The following TEKT1 variants were observed in gnomAD, a reference collection of about 807,000 sequenced individuals.
TEKT1 encodes tektin 1, also known as tektin-1.
A neutral mutation model predicts 34.8 loss-of-function variants in TEKT1; 32 were observed. That is an observed-to-expected ratio of 0.92 (90% confidence interval 0.69 to 1.23). TEKT1 has a LOEUF of 1.23. Among genes scored for constraint, TEKT1 ranks in the 50% most tolerant of loss-of-function variants. The pLI, the probability that TEKT1 is intolerant of heterozygous loss-of-function variation, is 0.00. For synonymous variants in TEKT1, 207 were observed against 199.8 expected, an observed-to-expected ratio of 1.04 and a Z score of -0.30; for missense variants, 492 against 518.5, an observed-to-expected ratio of 0.95 and a Z score of 0.50.
At chr17:6,824,016 G>T (rs898061393) in intron 2 of TEKT1, among the ~76,000 whole-genome samples, 1 of 151,832 alleles carries the variant, frequency 6.6e-6, no homozygotes, top group African/African-American at 2.4e-5. Flanking sequence ...TAGAGACGAG[G>T]TCTCACCGTG....
intron 6 of TEKT1, among the ~76,000 whole-genome samples, chr17:6,806,836 A>C (rs1976851444): frequency 6.6e-6 from 1 of 152,110 alleles, no homozygotes; most frequent in Non-Finnish European, 1.5e-5. Flanking sequence ...CTGAGAGATC[A>C]GCTGTTAGTC....
intron 2 of TEKT1, among the ~76,000 whole-genome samples, chr17:6,826,627 G>C (rs909679457): frequency 3.6e-5 from 5 of 140,696 alleles, no homozygotes; most frequent in African/African-American, 1.3e-4. Context: ...CAGATAGATA[G>C]ATAGATAGAT....
intron 2 of TEKT1, among the ~76,000 whole-genome samples, chr17:6,820,427 G>A (rs1027601040): frequency 1.3e-5 from 2 of 151,730 alleles, no homozygotes; most frequent in Non-Finnish European, 2.9e-5. Context: ...GAATCTTAAA[G>A]TCATAATGTA....
At position 6,827,418 on chromosome 17, in the gene TEKT1, T is replaced by C. The variant is rs1446490849; in HGVS notation, c.190+2769A>G. ...CTGGGATTACAGGCACCCACCACCA[T>C]GCCCAGCTAATTTTTTTGTACTTTT... On this transcript the variant is annotated intron_variant, in intron 2 of 7. Transcript: ENST00000338694. Among the ~76,000 whole-genome samples, 6 of 151,972 alleles carry C rather than the reference T, an allele frequency of 3.9e-5. No homozygotes were observed. The East Asian group carries it at 5.8e-4, about 15-fold the overall frequency.
Position 6,800,942 on chromosome 17 carries a change from A to T in TEKT1, c.854T>A (p.Val285Asp). The change falls in exon 7 of 8, where the codon GTC (valine) becomes GAC (aspartate). Residue 285 changes from valine to aspartate, a missense_variant and splice_region_variant. Val to Asp is a radical substitution (Grantham distance 152). Transcript: ENST00000338694. The stretch of plus-strand genomic sequence containing the variant: ...CTCCTGGGAAGCAATCTCTTCCATG[A>T]CCTTACAAAAAGGATTAGAGTAGGT... ...RDKLADHLAK[V>D]MEEIASQEKN... The T allele has an allele frequency of 6.2e-7, 1 of 1,612,002 alleles. No individual in the cohort carries two copies. Among genetic ancestry groups the T allele is most frequent in the Non-Finnish European group, 8.5e-7 (1 of 1,178,868 alleles).
At chr17:6,819,113 C>T in intron 3 of TEKT1, 80 bp downstream of exon 3, 1 of 1,505,158 alleles carries the variant, frequency 6.6e-7, no homozygotes, top group East Asian at 2.3e-5. Flanking sequence ...TCTAACTCAC[C>T]ATCGCACACA....
At chr17:6,804,500 G>C (rs1466735892) in intron 6 of TEKT1, among the ~76,000 whole-genome samples, 2 of 152,118 alleles carry the variant, frequency 1.3e-5, no homozygotes, top group Non-Finnish European at 2.9e-5. Context: ...ACATTATGTT[G>C]AATAGGAGTG....
chr17:6,802,029 A>G (rs72836277), intron 6 of TEKT1, among the ~76,000 whole-genome samples: 5,119 of 152,324 alleles, frequency 0.034, 120 homozygotes, highest in African/African-American at 0.054. Flanking sequence ...ATTTCTAAGC[A>G]TAGGATTCTT....
intron 2 of TEKT1, among the ~76,000 whole-genome samples, chr17:6,821,660 CAGA>C (rs1379804672): frequency 1.7e-4 from 26 of 152,234 alleles, no homozygotes; most frequent in African/African-American, 6.0e-4. Flanking sequence ...GTGGAGGGCT[CAGA>C]AGAAGACAGA....
intron 5 of TEKT1, among the ~76,000 whole-genome samples, chr17:6,814,634 T>C (rs370944858): frequency 1.6e-4 from 25 of 152,146 alleles, no homozygotes; most frequent in African/African-American, 5.8e-4. Context: ...GTCAGGAGAT[T>C]GAGACCATCC....
chr17:6,815,727 G>T (rs1976996291), intron 4 of TEKT1, 107 bp downstream of exon 4: 15 of 1,504,312 alleles, frequency 1.0e-5, no homozygotes, highest in Non-Finnish European at 1.2e-5. Flanking sequence ...GTGGGAGCGG[G>T]AATGTTGAAC....
intron 2 of TEKT1, among the ~76,000 whole-genome samples, chr17:6,821,858 C>A (rs530311652): frequency 8.6e-5 from 13 of 151,480 alleles, no homozygotes; most frequent in African/African-American, 3.2e-4. Flanking sequence ...CATTTTGCCC[C>A]TGCCCTAGAG....
intron 3 of TEKT1, 120 bp downstream of exon 3, chr17:6,819,073 T>C (rs934878344): frequency 7.9e-7 from 1 of 1,266,180 alleles, no homozygotes; most frequent in African/African-American, 1.5e-5. Context: ...AACTTCAGGC[T>C]CTAAAAGAAC....
rs954753185 is a variant in TEKT1 at position 6,798,578 on chromosome 17, G to A, written c.*1449C>T. The A allele has an allele frequency of 1.3e-5, 2 of 152,268 alleles. No individual in the cohort carries two copies. The highest frequency in any genetic ancestry group is 1.3e-4 in the Admixed American group (2 of 15,288). 9.4% of individuals were successfully genotyped at this position (152,268 alleles called of 1,614,324 possible). On this transcript the variant is annotated 3_prime_UTR_variant, in exon 8 of 8. Coordinates refer to ENST00000338694, the MANE Select transcript of TEKT1 (RefSeq NM_053285.2). ...GTGTATTTGCTGAGCACTCTGAGAG[G>A]AGACGTTCAGCACTGGGGTGGCATA...
intron 6 of TEKT1, among the ~76,000 whole-genome samples, chr17:6,803,397 C>T (rs1976803165): frequency 6.6e-6 from 1 of 152,112 alleles, no homozygotes. Flanking sequence ...AATTTTCTTC[C>T]ATTCTGCAGG....
rs1415868672 is a variant in TEKT1, at chr17:6,811,043, T to C, written c.852+1788A>G. ...AGGCGTGAGCCACCACGCCCGGCCG[T>C]GACATCTTATTTTATTGTTTTATTA... On this transcript the variant is annotated intron_variant, in intron 6 of 7. Transcript: ENST00000338694. This position sits in a 1 kb window ranked among gnomAD's most constrained non-coding sequence, Gnocchi z 4.4. Among the ~76,000 whole-genome samples the C allele has an allele frequency of 1.3e-5, 2 of 152,104 alleles. No homozygotes were observed. The highest frequency in any genetic ancestry group is 2.9e-5 in the Non-Finnish European group (2 of 67,992).
intron 4 of TEKT1, 54 bp from the exon 5 acceptor site, chr17:6,815,360 C>G: frequency 6.2e-7 from 1 of 1,611,632 alleles, no homozygotes; most frequent in Non-Finnish European, 8.5e-7. Context: ...AGGTGGCACC[C>G]ACGTCCTCAG....
intron 2 of TEKT1, among the ~76,000 whole-genome samples, chr17:6,828,056 T>C (rs1024314065): frequency 1.3e-5 from 2 of 152,106 alleles, no homozygotes; most frequent in African/African-American, 4.8e-5. Flanking sequence ...GCGATTCTCC[T>C]GCCTCAGCCT....
rs752426864 is a variant in TEKT1, at chr17:6,815,326, T to A, written c.486-20A>T. On this transcript the variant is annotated intron_variant, in intron 4 of 7. Coordinates refer to ENST00000338694, the MANE Select transcript of TEKT1 (RefSeq NM_053285.2). ...TTCATCCTGAAGGGAGAAAGTAAAC[T>A]GGGTTTCTGCCTCTGGAGTGCCCAG... The A allele has an allele frequency of 3.7e-6, 6 of 1,614,090 alleles. No individual in the cohort carries two copies. Among genetic ancestry groups the A allele is most frequent in the Non-Finnish European group, 4.2e-6 (5 of 1,180,030 alleles).
Sources: gnomAD v4.1 joint callset for allele counts (sites outside exome capture counted in the v4.1 genomes callset) on GRCh38, gnomAD v4.1.1 for gene constraint, Gnocchi (gnomAD v3.1) non-coding constraint, MANE v1.5 for transcripts, NCBI Gene and HGNC (gene_info 2026-07-23, HGNC 2026-07-21) for gene names.